GALNT17: variants seen among roughly 807,000 people sequenced by gnomAD.
The protein encoded by GALNT17 is UDP-GalNAc:polypeptide N-acetylgalactosaminyltransferase-like 3.
In GALNT17, 29 loss-of-function variants were observed where a neutral mutation model predicts 63.7. The ratio of observed to expected loss-of-function variants is 0.46; its 90% CI spans 0.34 to 0.62. The LOEUF (loss-of-function observed/expected upper bound fraction) is 0.62, where lower values mean the gene tolerates loss of function less well. GALNT17 is among the 20% of genes least tolerant of loss of function. The probability of loss-of-function intolerance (pLI) is 0.01; values close to 1 mark genes in which losing one functional copy is unlikely to be tolerated. For missense variants in GALNT17, 603 were observed against 799.6 expected (o/e 0.75, Z 2.97); for synonymous variants, 305 against 318.3 (o/e 0.96, Z 0.45).
intron 6 of GALNT17, among the ~76,000 whole-genome samples, chr7:71,622,587 A>G (rs920144503): frequency 6.6e-6 from 1 of 152,038 alleles, no homozygotes. Context: ...GTTTCTCTTT[A>G]TGTCACTTTA....
chr7:71,195,836 C>T (rs1004359846), intron 1 of GALNT17, among the ~76,000 whole-genome samples: 5 of 151,622 alleles, frequency 3.3e-5, no homozygotes, highest in African/African-American at 4.8e-5. Context: ...GGCACCCAGC[C>T]GAGCCTATCA....
At chr7:71,140,131 G>A (rs546982455) in intron 1 of GALNT17, among the ~76,000 whole-genome samples, 18 of 152,256 alleles carry the variant, frequency 1.2e-4, no homozygotes, top group South Asian at 4.2e-4. Flanking sequence ...GATGCTGGAC[G>A]GTACCACCAT....
At chr7:71,581,406 C>T (rs748609027) in intron 6 of GALNT17, among the ~76,000 whole-genome samples, 45 of 152,094 alleles carry the variant, frequency 3.0e-4, no homozygotes, top group Non-Finnish European at 4.1e-4. Flanking sequence ...GTGATCCACC[C>T]GCCTTGGCCT....
At chr7:71,709,960 T>C (rs1015852991) in intron 9 of GALNT17, among the ~76,000 whole-genome samples, 1 of 152,210 alleles carries the variant, frequency 6.6e-6, no homozygotes, top group African/African-American at 2.4e-5. Flanking sequence ...TTCATACCTA[T>C]GAGGTTGAGT....
At chr7:71,328,850 G>A (rs994729989) in intron 1 of GALNT17, among the ~76,000 whole-genome samples, 1 of 151,988 alleles carries the variant, frequency 6.6e-6, no homozygotes, top group African/African-American at 2.4e-5. Context: ...ATCTCATTGG[G>A]ACCATCATTC....
At chr7:71,699,970 G>A (rs1273946043) in intron 9 of GALNT17, among the ~76,000 whole-genome samples, 1 of 151,912 alleles carries the variant, frequency 6.6e-6, no homozygotes, top group African/African-American at 2.4e-5. Context: ...AGTGTATGAT[G>A]ATAAAATATT....
intron 2 of GALNT17, among the ~76,000 whole-genome samples, chr7:71,341,477 C>A (rs1226224350): frequency 6.6e-6 from 1 of 152,054 alleles, no homozygotes; most frequent in Non-Finnish European, 1.5e-5. Flanking sequence ...AGAAAAAAAA[C>A]TAAACTCACA....
At chr7:71,215,951 C>A (rs1411797247) in intron 1 of GALNT17, among the ~76,000 whole-genome samples, 1 of 151,960 alleles carries the variant, frequency 6.6e-6, no homozygotes, top group East Asian at 1.9e-4. Flanking sequence ...CCTCCCTTGG[C>A]CATTAGAGAG....
At chr7:71,697,466 G>C (rs140730395) in intron 9 of GALNT17, among the ~76,000 whole-genome samples, 1 of 152,150 alleles carries the variant, frequency 6.6e-6, no homozygotes, top group African/African-American at 2.4e-5. Flanking sequence ...ATTCAAGTGC[G>C]CAAGTCTAGA....
chr7:71,437,398 TCAAA>T (rs941370456), intron 5 of GALNT17, among the ~76,000 whole-genome samples: 20 of 152,204 alleles, frequency 1.3e-4, no homozygotes, highest in African/African-American at 4.3e-4. Context: ...TGCTATTTGT[TCAAA>T]CAATCAGCTG....
intron 6 of GALNT17, among the ~76,000 whole-genome samples, chr7:71,602,748 G>C (rs1789984298): frequency 6.6e-6 from 1 of 152,144 alleles, no homozygotes; most frequent in African/African-American, 2.4e-5. Flanking sequence ...TGAAATATCT[G>C]TGTGAGTTGT....
Position 71,233,937 on chromosome 7 carries a change from G to T in GALNT17, c.238+100897G>T, listed in dbSNP as rs1413721026. ...CACGTCTCACATGGCCAGAGAAGGA[G>T]AAAGTGGTCAAAGAGGGAGGTGCCA... On this transcript the variant is annotated intron_variant, in intron 1 of 10. Coordinates refer to ENST00000333538, the MANE Select transcript of GALNT17 (RefSeq NM_022479.3). Among the ~76,000 whole-genome samples, 9 of 152,172 alleles carry T rather than the reference G, an allele frequency of 5.9e-5. No homozygotes were observed. The South Asian group carries it at 1.7e-3, about 28-fold the overall frequency.
At chr7:71,401,652 T>G (rs574208645) in intron 3 of GALNT17, among the ~76,000 whole-genome samples, 121 of 152,248 alleles carry the variant, frequency 7.9e-4, no homozygotes, top group African/African-American at 2.7e-3. Flanking sequence ...ATTAAATTCT[T>G]ACAGAGGCAT....
At chr7:71,680,936 G>T (rs1372997206) in intron 9 of GALNT17, among the ~76,000 whole-genome samples, 2 of 147,610 alleles carry the variant, frequency 1.4e-5, no homozygotes, top group Non-Finnish European at 3.0e-5. Context: ...GTCTTGCTGT[G>T]TTACCCAGGC....
At chr7:71,146,712 A>G (rs1489872609) in intron 1 of GALNT17, among the ~76,000 whole-genome samples, 1 of 152,140 alleles carries the variant, frequency 6.6e-6, no homozygotes, top group Non-Finnish European at 1.5e-5. Flanking sequence ...CGGTCTTTAG[A>G]CTGCTCTGAC....
chr7:71,530,251 G>C (rs1232895733), intron 5 of GALNT17, among the ~76,000 whole-genome samples: 1 of 151,970 alleles, frequency 6.6e-6, no homozygotes, highest in African/African-American at 2.4e-5. Context: ...TTTTGAGTTG[G>C]GTTTATGTCT....
intron 1 of GALNT17, among the ~76,000 whole-genome samples, chr7:71,149,130 G>A (rs1369702846): frequency 6.6e-6 from 1 of 151,750 alleles, no homozygotes; most frequent in Non-Finnish European, 1.5e-5. Context: ...GTGTTGCCCG[G>A]GACGCTCTCA....
intron 2 of GALNT17, among the ~76,000 whole-genome samples, chr7:71,386,943 T>C (rs1792956465): frequency 6.6e-6 from 1 of 152,112 alleles, no homozygotes; most frequent in African/African-American, 2.4e-5. Flanking sequence ...GTGGGTTCAG[T>C]AGATGCCTTC....
intron 5 of GALNT17, among the ~76,000 whole-genome samples, chr7:71,539,326 T>C (rs1340531224): frequency 6.6e-6 from 1 of 152,090 alleles, no homozygotes; most frequent in African/African-American, 2.4e-5. Flanking sequence ...TAAAATGCCT[T>C]TTGAATGATA....
Sources: gnomAD v4.1 joint callset for allele counts (sites outside exome capture counted in the v4.1 genomes callset) on GRCh38, gnomAD v4.1.1 for gene constraint, MANE v1.5 for transcripts, NCBI Gene and HGNC (gene_info 2026-07-23, HGNC 2026-07-21) for gene names.